Variants in LRRTM3 observed in about 807,000 individuals in gnomAD.
LRRTM3 encodes leucine-rich repeat transmembrane neuronal protein 3.
Under a neutral mutation model 44.7 loss-of-function variants are expected in LRRTM3, and 24 were observed. The ratio of observed to expected loss-of-function variants is 0.54; its 90% CI spans 0.39 to 0.76. The LOEUF (loss-of-function observed/expected upper bound fraction) is 0.76. Ranked by LOEUF, LRRTM3 falls within the 30% of genes least tolerant of loss-of-function variation. The pLI is 0.00. For synonymous variants in LRRTM3, 277 were observed against 278.7 expected (o/e 0.99, Z 0.06); for missense variants, 587 against 702.2 (o/e 0.84, Z 1.85).
intron 2 of LRRTM3, among the ~76,000 whole-genome samples, chr10:67,027,988 T>C (rs1344977734): frequency 6.6e-6 from 1 of 152,152 alleles, no homozygotes; most frequent in Non-Finnish European, 1.5e-5. Context: ...AACAACCCTG[T>C]GAAGCAAGTA....
intron 2 of LRRTM3, among the ~76,000 whole-genome samples, chr10:67,033,722 C>T (rs532417317): frequency 1.3e-5 from 2 of 152,224 alleles, no homozygotes; most frequent in South Asian, 2.1e-4. Flanking sequence ...AGATTCAAAC[C>T]CAAGTAGCCC....
At chr10:67,041,430 G>A (rs1357555399) in intron 2 of LRRTM3, among the ~76,000 whole-genome samples, 1 of 152,058 alleles carries the variant, frequency 6.6e-6, no homozygotes, top group Non-Finnish European at 1.5e-5. Context: ...TACCTATGTT[G>A]CAAATATCAC....
rs563303155 is a variant in LRRTM3, at chr10:67,026,737, C to T, written c.1537-70850C>T. 1.6e-4 allele frequency among the ~76,000 whole-genome samples: 24 copies of T among 152,294 alleles called. No homozygotes were observed. In the South Asian group the frequency reaches 5.0e-3, roughly 32 times the overall value. On this transcript the variant is annotated intron_variant, in intron 2 of 2. Transcript: ENST00000361320. ...GTATATTAACGTTCATTTAAAACCTCTTCTGTCTGGTTCTTAGTTGTTCAA... is the reference window on the plus strand; with the variant it reads ...GTATATTAACGTTCATTTAAAACCTTTTCTGTCTGGTTCTTAGTTGTTCAA...
At chr10:67,085,161 C>T (rs1213260039) in intron 2 of LRRTM3, among the ~76,000 whole-genome samples, 1 of 151,830 alleles carries the variant, frequency 6.6e-6, no homozygotes, top group Non-Finnish European at 1.5e-5. Context: ...GATACACTAT[C>T]AAGAATAACA....
intron 2 of LRRTM3, among the ~76,000 whole-genome samples, chr10:67,021,599 G>A (rs769169981): frequency 2.5e-4 from 38 of 151,982 alleles, no homozygotes; most frequent in Admixed American, 2.5e-3. Context: ...GTAGTGATAT[G>A]AGAAACATGT....
chr10:67,075,292 T>C (rs1589701836), intron 2 of LRRTM3, among the ~76,000 whole-genome samples: 1 of 152,054 alleles, frequency 6.6e-6, no homozygotes, highest in Non-Finnish European at 1.5e-5. Context: ...ACTTTATCCA[T>C]AAGTAGGTAA....
chr10:66,929,090 A>G (rs183909955), intron 2 of LRRTM3, among the ~76,000 whole-genome samples: 1 of 152,354 alleles, frequency 6.6e-6, no homozygotes, highest in East Asian at 1.9e-4. Flanking sequence ...ATGAAGGGTT[A>G]AAATACTGCA....
At chr10:67,028,392 C>T (rs1853518214) in intron 2 of LRRTM3, among the ~76,000 whole-genome samples, 1 of 151,772 alleles carries the variant, frequency 6.6e-6, no homozygotes, top group Non-Finnish European at 1.5e-5. Flanking sequence ...GCATGACTTC[C>T]AGTATTTAAC....
chr10:66,970,648 T>C lies in LRRTM3; in HGVS notation c.1536+42196T>C, dbSNP rs114926788. On this transcript the variant is annotated intron_variant, in intron 2 of 2. Coordinates refer to ENST00000361320, the MANE Select transcript of LRRTM3 (RefSeq NM_178011.5). ...TGTGACCTCAAATATCCATGAAATA[T>C]AACCAGAAAATCTGCATCTACATAA... Among the ~76,000 whole-genome samples, 477 of 152,250 alleles carry C rather than the reference T, an allele frequency of 3.1e-3. 4 individuals are homozygous for C. The highest frequency in any genetic ancestry group is 0.011 in the African/African-American group (460 of 41,542).
intron 2 of LRRTM3, among the ~76,000 whole-genome samples, chr10:67,021,636 CTAT>C: frequency 6.6e-6 from 1 of 152,046 alleles, no homozygotes; most frequent in South Asian, 2.1e-4. Context: ...TGTATCTATA[CTAT>C]TATTGCAACT....
intron 2 of LRRTM3, among the ~76,000 whole-genome samples, chr10:67,032,610 A>T (rs1270458437): frequency 6.6e-6 from 1 of 152,170 alleles, no homozygotes; most frequent in Non-Finnish European, 1.5e-5. Context: ...TATTGATGTA[A>T]TTTCTACAGT....
chr10:67,097,885 A>C lies in LRRTM3; in HGVS notation c.*89A>C. On this transcript the variant is annotated 3_prime_UTR_variant, in exon 3 of 3. Coordinates refer to ENST00000361320, the MANE Select transcript of LRRTM3 (RefSeq NM_178011.5). ...GATGTGTTCATTGTGGACTCTAAAA[A>C]CAAAACAAAACACAAAATCCCCTGT... 9.1e-7 allele frequency: 1 copy of C among 1,100,064 alleles called. No homozygotes were observed. Among genetic ancestry groups the C allele is most frequent in the African/African-American group, 1.6e-5 (1 of 64,036 alleles). 68.1% of individuals were successfully genotyped at this position (1,100,064 alleles called of 1,614,324 possible).
chr10:66,978,571 A>ATATATATATAT (rs1850220512), intron 2 of LRRTM3, among the ~76,000 whole-genome samples: 5 of 136,000 alleles, frequency 3.7e-5, no homozygotes, highest in Non-Finnish European at 6.3e-5. Context: ...ATATATATAT[A>ATATATATATAT]GTATGGTGTA....
In LRRTM3 at chr10:67,088,857, TC is replaced by T. The variant is rs1484908580; in HGVS notation, c.1537-8728del. ...TATCCTATACTGTCAGCCCTCCATA[TC>T]CATAGGTTCTACATCCATAAACTCA... On this transcript the variant is annotated intron_variant, in intron 2 of 2. Coordinates refer to ENST00000361320, the MANE Select transcript of LRRTM3 (RefSeq NM_178011.5). 2.4e-4 allele frequency among the ~76,000 whole-genome samples: 36 copies of T among 152,066 alleles called. 1 individual carries two copies. The East Asian group carries it at 6.8e-3, about 29-fold the overall frequency.
chr10:66,989,251 T>G lies in LRRTM3; in HGVS notation c.1536+60799T>G, dbSNP rs149598254. On this transcript the variant is annotated intron_variant, in intron 2 of 2. Coordinates refer to ENST00000361320, the MANE Select transcript of LRRTM3 (RefSeq NM_178011.5). ...GCCCTCCTAGGGGTCAATATTTAACTCTTTAATTAATCAACTGTTATTTTA... is the reference window on the plus strand; with the variant it reads ...GCCCTCCTAGGGGTCAATATTTAACGCTTTAATTAATCAACTGTTATTTTA... Among the ~76,000 whole-genome samples the G allele has an allele frequency of 1.8e-3, 271 of 152,254 alleles. 3 individuals are homozygous for G. Among genetic ancestry groups the G allele is most frequent in the Non-Finnish European group, 4.3e-4 (29 of 68,012 alleles).
rs1017501088 is a variant in LRRTM3 at position 66,929,816 on chromosome 10, C to G, written c.1536+1364C>G. Among the ~76,000 whole-genome samples the G allele has an allele frequency of 1.3e-3, 193 of 152,266 alleles. 2 individuals are homozygous for G. Among genetic ancestry groups the G allele is most frequent in the Non-Finnish European group, 1.8e-3 (124 of 68,024 alleles). The stretch of plus-strand genomic sequence containing the variant: ...ACTGCAGCACGAATATCATAGCTTC[C>G]ATATTTGAGTAACTTGAACCACAGT... On this transcript the variant is annotated intron_variant, in intron 2 of 2. Transcript: ENST00000361320.
In LRRTM3 at chr10:67,003,354, G is replaced by C. The variant is rs140815596; in HGVS notation, c.1536+74902G>C. Among the ~76,000 whole-genome samples the C allele has an allele frequency of 2.2e-4, 33 of 152,236 alleles. No individual in the cohort carries two copies. The East Asian group carries it at 6.0e-3, about 28-fold the overall frequency. ...TTGAACTATTCCTGGCATAAAAAGA[G>C]CTTCACATACTGTACAAAGTCTTCA... On this transcript the variant is annotated intron_variant, in intron 2 of 2. Transcript: ENST00000361320.
In LRRTM3 at chr10:66,927,691, G is replaced by C; in HGVS notation, c.775G>C (p.Asp259His). The C allele has an allele frequency of 6.2e-7, 1 of 1,614,148 alleles. No homozygotes were observed. The change falls in exon 2 of 3, where the codon GAT (aspartate) becomes CAT (histidine). Residue 259 changes from aspartate to histidine, a missense_variant. Asp to His is a moderately conservative substitution (Grantham distance 81). Coordinates refer to ENST00000361320, the MANE Select transcript of LRRTM3 (RefSeq NM_178011.5). The surrounding 1 kb of genome is among the most constrained non-coding windows in gnomAD (Gnocchi z 4.7). ...GACCTGGAGCTCCTTACAAAGGCTT[G>C]ATTTATCAGGCAATGAGATCGAAGC... Reference protein sequence around the residue: ...SWTWSSLQRLDLSGNEIEAFS... With the variant: ...SWTWSSLQRLHLSGNEIEAFS...
At chr10:67,095,604 T>A (rs1473421839) in intron 2 of LRRTM3, among the ~76,000 whole-genome samples, 1 of 151,830 alleles carries the variant, frequency 6.6e-6, no homozygotes. Flanking sequence ...GGTTTATTAT[T>A]TTTCATAAAT....
Sources: gnomAD v4.1 joint callset for allele counts (sites outside exome capture counted in the v4.1 genomes callset) on GRCh38, gnomAD v4.1.1 for gene constraint, Gnocchi (gnomAD v3.1) non-coding constraint, MANE v1.5 for transcripts, NCBI Gene and HGNC (gene_info 2026-07-23, HGNC 2026-07-21) for gene names.